Variants in GCNT1 observed in about 807,000 individuals in gnomAD.
GCNT1 encodes beta-1,3-galactosyl-O-glycosyl-glycoprotein beta-1,6-N-acetylglucosaminyltransferase.
In GCNT1, 16 loss-of-function variants were observed where a neutral mutation model predicts 26.2. The observed-to-expected ratio is 0.61, with a 90% CI of 0.41 to 0.93. GCNT1 has a LOEUF of 0.93. Ranked by LOEUF, GCNT1 falls within the 40% of genes least tolerant of loss-of-function variation. The pLI, the probability that GCNT1 is intolerant of heterozygous loss-of-function variation, is 0.00. For synonymous variants in GCNT1, 183 were observed against 190.8 expected (o/e 0.96, Z 0.34); for missense variants, 477 against 526.7 (o/e 0.91, Z 0.92).
At chr9:76,398,438 G>A in the GCNT1 span, among the ~76,000 whole-genome samples, 1 of 152,222 alleles carries the variant, frequency 6.6e-6, no homozygotes, top group Non-Finnish European at 1.5e-5. Flanking sequence ...CAACCATGTA[G>A]AGCAACAGGA....
chr9:76,422,621 G>A (rs765769900), intron 1 of GCNT1, among the ~76,000 whole-genome samples: 4 of 151,918 alleles, frequency 2.6e-5, no homozygotes, highest in Admixed American at 6.6e-5. Flanking sequence ...ATGGCTCACT[G>A]CACTCACTGC....
At chr9:76,396,191 G>A in the GCNT1 span, among the ~76,000 whole-genome samples, 1 of 152,196 alleles carries the variant, frequency 6.6e-6, no homozygotes, top group Admixed American at 6.5e-5. Flanking sequence ...AATCATAGGA[G>A]GTAAATGAGG....
At position 76,496,166 on chromosome 9, in the gene GCNT1, C is replaced by T. The variant is rs546277129; in HGVS notation, c.-289-4750C>T. ...GGATGGGAACTGCTTTCCATTAGGC[C>T]TGGTGTGCCCTGGAAGGGAGAGCCT... On this transcript the variant is annotated intron_variant, in intron 2 of 3. Transcript: ENST00000376730. 2.0e-5 allele frequency among the ~76,000 whole-genome samples: 3 copies of T among 152,324 alleles called. No individual in the cohort carries two copies. In the South Asian group the frequency reaches 6.2e-4, roughly 32 times the overall value.
chr9:76,439,645 T>C (rs1161072252), upstream of GCNT1, among the ~76,000 whole-genome samples: 1 of 152,252 alleles, frequency 6.6e-6, no homozygotes, highest in Non-Finnish European at 1.5e-5. Flanking sequence ...CTTCAGATTG[T>C]GACTCATATT....
chr9:76,441,248 CA>C (rs909622479), upstream of GCNT1, among the ~76,000 whole-genome samples: 13 of 152,030 alleles, frequency 8.6e-5, no homozygotes, highest in Non-Finnish European at 1.2e-4. Flanking sequence ...CGGCCTCAAG[CA>C]ATTCTCCTGC....
At chr9:76,486,948 G>T (rs1824596685) in intron 2 of GCNT1, among the ~76,000 whole-genome samples, 1 of 146,120 alleles carries the variant, frequency 6.8e-6, no homozygotes, top group Admixed American at 6.9e-5. Context: ...AACAAAACTA[G>T]ATCTAAATTT....
In GCNT1 at chr9:76,503,546, A is replaced by C. The variant is rs769389794; in HGVS notation, c.1165A>C (p.Asn389His). The C allele has an allele frequency of 4.8e-5, 77 of 1,614,160 alleles. No homozygotes were observed. In the South Asian group the frequency reaches 8.1e-4, roughly 17 times the overall value. The stretch of plus-strand genomic sequence containing the variant: ...GTGCATTTTCGGAGCTGGTGACTTG[A>C]ACTGGATGCTGCGCAAACACCACTT... ...SVCIFGAGDLNWMLRKHHLFA... is the reference protein window; with the variant it reads ...SVCIFGAGDLHWMLRKHHLFA... Residue 389 changes from asparagine to histidine, a missense_variant, in exon 4 of 4, where the codon AAC becomes CAC. Transcript: ENST00000376730.
At chr9:76,493,007 G>A (rs1346599526) in intron 2 of GCNT1, among the ~76,000 whole-genome samples, 1 of 152,074 alleles carries the variant, frequency 6.6e-6, no homozygotes, top group East Asian at 1.9e-4. Context: ...TTATCTTTTA[G>A]GATCAATTGA....
At chr9:76,467,908 T>G (rs566098033) in intron 2 of GCNT1, among the ~76,000 whole-genome samples, 6 of 132,266 alleles carry the variant, frequency 4.5e-5, no homozygotes, top group East Asian at 4.2e-4. Flanking sequence ...TTTTTTTTTT[T>G]TTTTTTTTTT....
intron 2 of GCNT1, among the ~76,000 whole-genome samples, chr9:76,464,159 G>A (rs1823945496): frequency 6.6e-6 from 1 of 151,692 alleles, no homozygotes; most frequent in South Asian, 2.1e-4. Context: ...AGTAAAATAT[G>A]TCTTGGGTCA....
At chr9:76,402,923 C>T in the GCNT1 span, among the ~76,000 whole-genome samples, 2,548 of 152,274 alleles carry the variant, frequency 0.017, 70 homozygotes, top group African/African-American at 0.057. Context: ...TGTGATCTGC[C>T]TGCCTCGGCC....
chr9:76,414,369 C>G, the GCNT1 span, among the ~76,000 whole-genome samples: 1 of 152,138 alleles, frequency 6.6e-6, no homozygotes, highest in African/African-American at 2.4e-5. Context: ...CCTATCGTTA[C>G]CAGAAAGCAG....
At chr9:76,399,028 C>T in the GCNT1 span, 50 of 1,591,242 alleles carry the variant, frequency 3.1e-5, no homozygotes, top group Non-Finnish European at 8.5e-7. Context: ...CCTTCACTAA[C>T]CAGATCCAGG....
chr9:76,486,066 C>A (rs546077905), intron 2 of GCNT1, among the ~76,000 whole-genome samples: 1 of 152,318 alleles, frequency 6.6e-6, no homozygotes, highest in East Asian at 1.9e-4. Flanking sequence ...CAGTAGAGCG[C>A]AAACTTGGGG....
At chr9:76,416,110 A>G (rs1353390200), upstream of GCNT1, among the ~76,000 whole-genome samples, 1 of 152,062 alleles carries the variant, frequency 6.6e-6, no homozygotes, top group Non-Finnish European at 1.5e-5. Context: ...GCCCTGGCCC[A>G]TCATACCCCC....
chr9:76,405,299 AC>A, the GCNT1 span, among the ~76,000 whole-genome samples: 1 of 151,578 alleles, frequency 6.6e-6, no homozygotes, highest in Non-Finnish European at 1.5e-5. Context: ...ACACACACAC[AC>A]ACACACACAC....
At chr9:76,471,423 C>A (rs1824128832) in intron 2 of GCNT1, among the ~76,000 whole-genome samples, 1 of 152,114 alleles carries the variant, frequency 6.6e-6, no homozygotes, top group African/African-American at 2.4e-5. Context: ...AGAATTGCTC[C>A]CAGGAATGTG....
At chr9:76,434,737 C>T (rs1823385222) in intron 1 of GCNT1, among the ~76,000 whole-genome samples, 1 of 152,132 alleles carries the variant, frequency 6.6e-6, no homozygotes, top group South Asian at 2.1e-4. Context: ...TGCAGAGAGC[C>T]TATAAATGGA....
At chr9:76,428,302 A>AAAAAAAAAAAAAAAAAG (rs1222053703) in intron 1 of GCNT1, among the ~76,000 whole-genome samples, 46 of 149,410 alleles carry the variant, frequency 3.1e-4, no homozygotes, top group African/African-American at 6.7e-4. Context: ...TAAAAAAAAA[A>AAAAAAAAAAAAAAAAAG]AGAGAGAGAG....
Sources: allele counts gnomAD v4.1 joint callset (sites outside exome capture counted in the v4.1 genomes callset), GRCh38; gene constraint gnomAD v4.1.1; transcripts MANE v1.5; gene names NCBI Gene and HGNC (gene_info 2026-07-23, HGNC 2026-07-21).